ZNF512B: variants seen among roughly 807,000 people sequenced by gnomAD.
ZNF512B encodes the protein zinc finger protein 512B.
In ZNF512B, 22 loss-of-function variants were observed where a neutral mutation model predicts 87.8. The ratio of observed to expected loss-of-function variants is 0.25; its 90% CI spans 0.18 to 0.36. The LOEUF (loss-of-function observed/expected upper bound fraction) is 0.36, where lower values mean the gene tolerates loss of function less well. Ranked by LOEUF, ZNF512B falls within the 10% of genes least tolerant of loss-of-function variation. The probability of loss-of-function intolerance (pLI) is 1.00; values close to 1 mark genes in which losing one functional copy is unlikely to be tolerated. For missense variants in ZNF512B, 1,060 were observed against 1,231.6 expected (o/e 0.86, Z 2.09); for synonymous variants, 524 against 490.9 (o/e 1.07, Z -0.89).
chr20:63,964,464 C>A (rs773151663), intron 6 of ZNF512B, 26 bp downstream of exon 6: 1 of 1,613,298 alleles, frequency 6.2e-7, no homozygotes, highest in South Asian at 1.1e-5. Context: ...CTGCCCCGGC[C>A]GCCACCCCTG....
intron 3 of ZNF512B, 40 bp from the exon 4 acceptor site, chr20:63,967,044 C>G (rs775974812): frequency 1.1e-5 from 17 of 1,610,424 alleles, no homozygotes; most frequent in Admixed American, 1.7e-5. Flanking sequence ...CCCGCAGCCA[C>G]CTGGGCCACT....
rs748305109 is a variant in ZNF512B at position 63,964,148 on chromosome 20, T to A, written c.1403A>T (p.Asp468Val). ...GGCAGCTGGCACCTTCTTCCGGGCG[T>A]CCTCAGGGCCTGGCCCCTCCTGCTT... ...SKKQEGPGPE[D>V]ARKKVPAAPI... The change falls in exon 8 of 17, where the codon GAC becomes GTC. Residue 468 changes from aspartate (D) to valine (V), a missense_variant. By Grantham distance (152) the Asp-to-Val change is radical. Transcript: ENST00000369888. 6.2e-7 allele frequency: 1 copy of A among 1,603,934 alleles called. No individual in the cohort carries two copies. The highest frequency in any genetic ancestry group is 1.1e-5 in the South Asian group (1 of 89,612).
At chr20:63,968,064 G>T in intron 1 of ZNF512B, 112 bp from the exon 2 acceptor site, 1 of 1,350,512 alleles carries the variant, frequency 7.4e-7, no homozygotes, top group Non-Finnish European at 1.0e-6. Flanking sequence ...GGGAAGAGGG[G>T]CCTGCCTTCC....
Position 63,959,720 on chromosome 20 carries a change from G to C in ZNF512B, c.*168C>G, listed in dbSNP as rs959789951. On this transcript the variant is annotated 3_prime_UTR_variant, in exon 17 of 17. Transcript: ENST00000369888. ...GTGTGCCCTGTGGCAGCCTTAACAG[G>C]GGAAGGGCCACCTTCAGGGAAGGGA... 3.6e-6 allele frequency: 4 copies of C among 1,103,442 alleles called. No individual in the cohort carries two copies. Among genetic ancestry groups the C allele is most frequent in the Middle Eastern group, 3.1e-4 (1 of 3,238 alleles). The allele number at this position is 1,103,442 out of a possible 1,614,324, so 68.4% of individuals were successfully genotyped here.
In ZNF512B at chr20:63,958,481, T is replaced by G. The variant is rs1473497944; in HGVS notation, c.*1407A>C. ...ACACGCACACGGGCAAACATCAAAATTCTCATCGTCCAGGGTCAGTGGGGC... is the reference window on the plus strand; with the variant it reads ...ACACGCACACGGGCAAACATCAAAAGTCTCATCGTCCAGGGTCAGTGGGGC... On this transcript the variant is annotated 3_prime_UTR_variant, in exon 17 of 17. Coordinates refer to ENST00000369888, the MANE Select transcript of ZNF512B (RefSeq NM_020713.3). 1 of 152,278 alleles carries G rather than the reference T, an allele frequency of 6.6e-6. No individual in the cohort carries two copies. The highest frequency in any genetic ancestry group is 1.5e-5 in the Non-Finnish European group (1 of 68,044). 9.4% of individuals were successfully genotyped at this position (152,278 alleles called of 1,614,324 possible).
In ZNF512B at chr20:63,956,797, C is replaced by G. The variant is rs1244343913; in HGVS notation, c.*3091G>C. 6.5e-6 allele frequency: 1 copy of G among 153,932 alleles called. No individual in the cohort carries two copies. The highest frequency in any genetic ancestry group is 1.4e-5 in the Non-Finnish European group (1 of 68,982). The allele number at this position is 153,932 out of a possible 1,614,324, so 9.5% of individuals were successfully genotyped here. On this transcript the variant is annotated 3_prime_UTR_variant, in exon 17 of 17. Transcript: ENST00000369888. ...CGCCACTCGGGACCAGGGCGCGGGG[C>G]GGGGACGAGGACCGGGGACAGATGG...
At position 63,964,587 on chromosome 20, in the gene ZNF512B, G is replaced by A; in HGVS notation, c.1164C>T (p.Ser388=). ...FQLSADTSSG[S]LSPGSRPSGG... is the part of the protein sequence containing the mutation. ...CTGACGGCCTGCTGCCTGGCGACAA[G>A]GAGCCACTGCTGGTGTCTGCACTCA... The change falls in exon 6 of 17, where the codon TCC becomes TCT. Residue 388 remains serine (S), a synonymous_variant. Transcript: ENST00000369888. 1 of 1,613,310 alleles carries A rather than the reference G, an allele frequency of 6.2e-7. No homozygotes were observed.
rs1451489341 is a variant in ZNF512B, at chr20:63,957,882, C to CCCTCCA, written c.*2000_*2005dup. On this transcript the variant is annotated 3_prime_UTR_variant, in exon 17 of 17. Transcript: ENST00000369888. ...CCCCAGCAGCAGCTGCCAGACCCCACCCTCCACCTCCGGCTCCTCCAGCTC... is the reference window on the plus strand; with the variant it reads ...CCCCAGCAGCAGCTGCCAGACCCCACCCTCCACCTCCACCTCCGGCTCCTCCAGCTC... 1.3e-5 allele frequency: 2 copies of CCCTCCA among 151,940 alleles called. No individual in the cohort carries two copies. The highest frequency in any genetic ancestry group is 1.9e-4 in the East Asian group (1 of 5,174). 9.4% of individuals were successfully genotyped at this position (151,940 alleles called of 1,614,324 possible).
intron 12 of ZNF512B, 35 bp downstream of exon 12, chr20:63,963,060 A>G (rs375465012): frequency 6.6e-7 from 1 of 1,516,400 alleles, no homozygotes; most frequent in African/African-American, 1.4e-5. Context: ...GCACACAGGA[A>G]CAAGCACTGT....
At chr20:63,969,258 G>C in intron 1 of ZNF512B, 2 of 899,792 alleles carry the variant, frequency 2.2e-6, no homozygotes, top group Non-Finnish European at 2.7e-6. Context: ...GAAGAATTCA[G>C]AATAGTGGGG....
At position 63,959,664 on chromosome 20, in the gene ZNF512B, GCTGGGCACACCTTGGGGAGCCC is replaced by G; in HGVS notation, c.*202_*223del. 1 of 605,740 alleles carries G rather than the reference GCTGGGCACACCTTGGGGAGCCC, an allele frequency of 1.7e-6. No homozygotes were observed. The highest frequency in any genetic ancestry group is 2.6e-5 in the South Asian group (1 of 37,978). The allele number at this position is 605,740 out of a possible 1,614,324, so 37.5% of individuals were successfully genotyped here. On this transcript the variant is annotated 3_prime_UTR_variant, in exon 17 of 17. Transcript: ENST00000369888. ...CAACCCTCCTGGCTATTGCACTTCT[GCTGGGCACACCTTGGGGAGCCC>G]CAACCCAGGTGTGCCCTGTGGCAGC...
Position 63,960,002 on chromosome 20 carries a change from C to G in ZNF512B, c.2565G>C (p.Glu855Asp), listed in dbSNP as rs2058831762. The G allele has an allele frequency of 6.2e-7, 1 of 1,613,350 alleles. No individual in the cohort carries two copies. Among genetic ancestry groups the G allele is most frequent in the Non-Finnish European group, 8.5e-7 (1 of 1,180,012 alleles). Residue 855 changes from glutamate (E) to aspartate (D), a missense_variant, in exon 17 of 17, where the codon GAG (glutamate) becomes GAC (aspartate). Physicochemically the swap from Glu to Asp is conservative, Grantham distance 45. Transcript: ENST00000369888. ...GGCGCGGGGGCAGCTTGGCCACAGG[C>G]TCCTCTGGGGTCCGCTCCTTGGGCT... ...GRKPKERTPE[E>D]PVAKLPPRRD...
chr20:63,960,264 C>T, intron 16 of ZNF512B, 125 bp from the exon 17 acceptor site: 1 of 1,402,854 alleles, frequency 7.1e-7, no homozygotes, highest in Non-Finnish European at 9.5e-7. Flanking sequence ...CAGGGCTGGA[C>T]ACAGCCTTTA....
chr20:63,962,983 G>T, intron 12 of ZNF512B, 112 bp downstream of exon 12: 1 of 1,375,920 alleles, frequency 7.3e-7, no homozygotes, highest in Admixed American at 2.6e-5. Context: ...AGAGGGGTGG[G>T]AAACACACGC....
In ZNF512B at chr20:63,959,728, C is replaced by T; in HGVS notation, c.*160G>A. On this transcript the variant is annotated 3_prime_UTR_variant, in exon 17 of 17. Transcript: ENST00000369888. ...TGTGGCAGCCTTAACAGGGGAAGGGCCACCTTCAGGGAAGGGAGAGTGGCT... is the reference window on the plus strand; with the variant it reads ...TGTGGCAGCCTTAACAGGGGAAGGGTCACCTTCAGGGAAGGGAGAGTGGCT... 1 of 1,169,460 alleles carries T rather than the reference C, an allele frequency of 8.6e-7. No individual in the cohort carries two copies. The highest frequency in any genetic ancestry group is 1.2e-6 in the Non-Finnish European group (1 of 860,620). 72.4% of individuals were successfully genotyped at this position (1,169,460 alleles called of 1,614,324 possible). A position where few individuals can be genotyped will look rare whatever the true frequency, so the allele number is the denominator to read the frequency against.
chr20:63,962,713 G>T lies in ZNF512B; in HGVS notation c.2037C>A (p.Ser679Arg). 1.9e-6 allele frequency: 3 copies of T among 1,602,600 alleles called. No homozygotes were observed. The highest frequency in any genetic ancestry group is 2.6e-6 in the Non-Finnish European group (3 of 1,176,234). ...EDPLGVERTP[S>R]GRVRRTSAQV... ...GGGCCGACGTGCGGCGGACACGCCC[G>T]CTTGGGGTCCGCTCCACACCCAGCG... Residue 679 changes from serine to arginine, a missense_variant, in exon 13 of 17, where the codon AGC (serine) becomes AGA (arginine). By Grantham distance (110) the Ser-to-Arg change is moderately radical. Coordinates refer to ENST00000369888, the MANE Select transcript of ZNF512B (RefSeq NM_020713.3).
rs755650089 is a variant in ZNF512B, at chr20:63,960,057, T to C, written c.2510A>G (p.Asn837Ser). Reference sequence around the variant, plus strand: ...GCCCCGCTTCTTTCCACCTGCCAGATTTTTCTTCTTTTCCTTCTTGGGCAC... The same window carrying C: ...GCCCCGCTTCTTTCCACCTGCCAGACTTTTCTTCTTTTCCTTCTTGGGCAC... ...SLVPKKEKKK[N>S]LAGGKKRGRK... The change falls in exon 17 of 17, where the codon AAT becomes AGT. Residue 837 changes from asparagine (N) to serine (S), a missense_variant. Asn to Ser is a conservative substitution (Grantham distance 46, BLOSUM62 1). Coordinates refer to ENST00000369888, the MANE Select transcript of ZNF512B (RefSeq NM_020713.3). 10 of 1,613,880 alleles carry C rather than the reference T, an allele frequency of 6.2e-6. No homozygotes were observed. The highest frequency in any genetic ancestry group is 8.5e-6 in the Non-Finnish European group (10 of 1,180,032).
At chr20:63,967,344 C>G (rs1320079866) in intron 3 of ZNF512B, 37 bp downstream of exon 3, 1 of 1,556,490 alleles carries the variant, frequency 6.4e-7, no homozygotes, top group East Asian at 2.3e-5. Flanking sequence ...TAGGGAGACC[C>G]CAGCATGAGC....
chr20:63,968,228 T>C (rs1171566489), intron 1 of ZNF512B, among the ~76,000 whole-genome samples: 1 of 152,216 alleles, frequency 6.6e-6, no homozygotes, highest in Non-Finnish European at 1.5e-5. Context: ...CCAGACCCCC[T>C]TCCCAACACG....
Sources: allele counts gnomAD v4.1 joint callset (sites outside exome capture counted in the v4.1 genomes callset), GRCh38; gene constraint gnomAD v4.1.1; transcripts MANE v1.5; gene names NCBI Gene and HGNC (gene_info 2026-07-23, HGNC 2026-07-21).